The following DEPDC1B variants were observed in gnomAD, a reference collection of about 807,000 sequenced individuals.
The protein encoded by DEPDC1B is DEP domain-containing protein 1B.
DEPDC1B carries 51 observed loss-of-function variants against 66.5 expected under a neutral mutation model. The observed-to-expected ratio is 0.77, with a 90% CI of 0.61 to 0.97. DEPDC1B has a LOEUF of 0.97. DEPDC1B is among the 50% of genes least tolerant of loss of function. The pLI is 0.00. For missense variants in DEPDC1B, 552 were observed against 637.1 expected (o/e 0.87, Z 1.44); for synonymous variants, 226 against 223.6 (o/e 1.01, Z -0.10).
intron 1 of DEPDC1B, among the ~76,000 whole-genome samples, chr5:60,696,865 C>A (rs1754666952): frequency 6.7e-6 from 1 of 149,750 alleles, no homozygotes; most frequent in Non-Finnish European, 1.5e-5. Context: ...CTTCTTAGTA[C>A]CAAAAATATT....
chr5:60,653,904 C>G (rs1207197912), intron 2 of DEPDC1B, among the ~76,000 whole-genome samples: 2 of 148,914 alleles, frequency 1.3e-5, no homozygotes, highest in African/African-American at 5.1e-5. Context: ...TGTTGAAGAT[C>G]AGTTGGCTGT....
At chr5:60,667,560 T>C (rs1390877812) in intron 2 of DEPDC1B, among the ~76,000 whole-genome samples, 2 of 146,728 alleles carry the variant, frequency 1.4e-5, no homozygotes, top group East Asian at 2.1e-4. Flanking sequence ...ATATTTTACA[T>C]ATATAAAAAA....
intron 1 of DEPDC1B, among the ~76,000 whole-genome samples, chr5:60,699,406 A>G (rs1330854435): frequency 3.4e-5 from 1 of 29,310 alleles, no homozygotes; most frequent in Non-Finnish European, 8.4e-5. Flanking sequence ...AAGTCAAAGC[A>G]GACCAAGTAC....
At chr5:60,694,917 C>A (rs1033419933) in intron 1 of DEPDC1B, among the ~76,000 whole-genome samples, 3 of 152,226 alleles carry the variant, frequency 2.0e-5, no homozygotes, top group South Asian at 4.2e-4. Context: ...TTTACATAGT[C>A]TCTAGCTATA....
intron 2 of DEPDC1B, among the ~76,000 whole-genome samples, chr5:60,668,196 A>T (rs867720330): frequency 1.3e-4 from 6 of 45,116 alleles, no homozygotes; most frequent in Admixed American, 3.1e-4. Context: ...TATATATATA[A>T]AATGGATATT....
intron 2 of DEPDC1B, among the ~76,000 whole-genome samples, chr5:60,664,435 C>T (rs999664426): frequency 6.6e-6 from 1 of 152,184 alleles, no homozygotes; most frequent in Admixed American, 6.5e-5. Context: ...TGTCAGACAA[C>T]CATTTGCTTA....
At chr5:60,694,882 T>C (rs1016639122) in intron 1 of DEPDC1B, among the ~76,000 whole-genome samples, 2 of 152,220 alleles carry the variant, frequency 1.3e-5, no homozygotes, top group African/African-American at 4.8e-5. Flanking sequence ...ATGTTACAAA[T>C]GTTTTATCTT....
chr5:60,647,526 G>A lies in DEPDC1B; in HGVS notation c.322C>T (p.Pro108Ser). The A allele has an allele frequency of 6.2e-7, 1 of 1,610,632 alleles. No homozygotes were observed. Among genetic ancestry groups the A allele is most frequent in the South Asian group, 1.1e-5 (1 of 90,356 alleles). ...GGATATGGTTTCAGGGGTGAAGAAGGAGGAAATCTAAAACCCAAGAAGAAA... is the reference window on the plus strand; with the variant it reads ...GGATATGGTTTCAGGGGTGAAGAAGAAGGAAATCTAAAACCCAAGAAGAAA... ...EDNRHLYRFP[P>S]SSPLKPYPKK... The change falls in exon 3 of 11, where the codon CCT (proline) becomes TCT (serine). Residue 108 changes from proline to serine, a missense_variant. Pro to Ser is a moderately conservative substitution (Grantham distance 74). Coordinates refer to ENST00000265036, the MANE Select transcript of DEPDC1B (RefSeq NM_018369.3).
chr5:60,677,385 CA>C (rs1584095305), intron 2 of DEPDC1B, among the ~76,000 whole-genome samples: 1 of 148,304 alleles, frequency 6.7e-6, no homozygotes, highest in Non-Finnish European at 1.5e-5. Flanking sequence ...TAAAGTCAGG[CA>C]GATAAAGAAT....
intron 2 of DEPDC1B, among the ~76,000 whole-genome samples, chr5:60,661,731 CG>C (rs1365861970): frequency 6.6e-6 from 1 of 152,044 alleles, no homozygotes; most frequent in East Asian, 1.9e-4. Flanking sequence ...GAGAGTTTGG[CG>C]ATCTCTGGTA....
At chr5:60,630,504 G>A (rs916798687) in intron 7 of DEPDC1B, 2 of 152,264 alleles carry the variant, frequency 1.3e-5, no homozygotes, top group African/African-American at 2.4e-5. Context: ...GCACTGTGCA[G>A]GCCCTGAAAA....
At chr5:60,679,188 T>TA (rs1388271802) in intron 2 of DEPDC1B, among the ~76,000 whole-genome samples, 1 of 152,144 alleles carries the variant, frequency 6.6e-6, no homozygotes, top group African/African-American at 2.4e-5. Context: ...TACATCTTTG[T>TA]AAAAAAATCT....
chr5:60,659,891 G>A (rs1218084672), intron 2 of DEPDC1B, among the ~76,000 whole-genome samples: 1 of 152,114 alleles, frequency 6.6e-6, no homozygotes, highest in African/African-American at 2.4e-5. Context: ...CTTGTCCCCG[G>A]TGTCCCTCCA....
intron 7 of DEPDC1B, among the ~76,000 whole-genome samples, chr5:60,616,406 C>T (rs749989132): frequency 1.1e-4 from 17 of 152,172 alleles, no homozygotes; most frequent in Non-Finnish European, 2.1e-4. Flanking sequence ...AAAAATCAGA[C>T]GAACGGCTAA....
chr5:60,612,528 CAAAAAAA>C (rs35196065), intron 7 of DEPDC1B, among the ~76,000 whole-genome samples: 2 of 90,236 alleles, frequency 2.2e-5, no homozygotes, highest in Non-Finnish European at 4.2e-5. Context: ...GAGATCTGCT[CAAAAAAA>C]AAAAAAAAAA....
At chr5:60,649,916 G>A (rs932165131) in intron 2 of DEPDC1B, among the ~76,000 whole-genome samples, 2 of 151,942 alleles carry the variant, frequency 1.3e-5, no homozygotes, top group African/African-American at 4.8e-5. Context: ...CAAGTAGCTG[G>A]GATTACAAGT....
rs774075232 is a variant in DEPDC1B at position 60,700,129 on chromosome 5, G to A, written c.-36C>T. 1.7e-5 allele frequency: 26 copies of A among 1,533,946 alleles called. No homozygotes were observed. The highest frequency in any genetic ancestry group is 2.0e-5 in the Non-Finnish European group (23 of 1,143,378). On this transcript the variant is annotated 5_prime_UTR_variant, in exon 1 of 11. Coordinates refer to ENST00000265036, the MANE Select transcript of DEPDC1B (RefSeq NM_018369.3). The stretch of plus-strand genomic sequence containing the variant: ...CAGCAGCGGCCGCAGCCGCGCCAGC[G>A]CTGATCCCCGCCAGCCGGAGGAGCA...
chr5:60,675,208 A>G (rs556775869), intron 2 of DEPDC1B, among the ~76,000 whole-genome samples: 8 of 152,224 alleles, frequency 5.3e-5, no homozygotes, highest in African/African-American at 1.9e-4. Flanking sequence ...TCCCACCAAC[A>G]CCCACACAAA....
At chr5:60,615,606 C>G (rs1274932724) in intron 7 of DEPDC1B, among the ~76,000 whole-genome samples, 3 of 152,198 alleles carry the variant, frequency 2.0e-5, no homozygotes, top group Non-Finnish European at 4.4e-5. Flanking sequence ...GGGAGGGGCG[C>G]CCACCATTGC....
Sources: gnomAD v4.1 joint callset for allele counts (sites outside exome capture counted in the v4.1 genomes callset) on GRCh38, gnomAD v4.1.1 for gene constraint, MANE v1.5 for transcripts, NCBI Gene and HGNC (gene_info 2026-07-23, HGNC 2026-07-21) for gene names.